The following UBE2E1 variants were observed in gnomAD, a reference collection of about 807,000 sequenced individuals.
The protein encoded by UBE2E1 is ubiquitin-conjugating enzyme E2 E1.
A neutral mutation model predicts 21.4 loss-of-function variants in UBE2E1; 6 were observed. The ratio of observed to expected loss-of-function variants is 0.28; its 90% CI spans 0.15 to 0.55. UBE2E1 has a LOEUF of 0.55. Ranked by LOEUF, UBE2E1 falls within the 20% of genes least tolerant of loss-of-function variation. The pLI is 0.93. For synonymous variants in UBE2E1, 87 were observed against 82.7 expected, an observed-to-expected ratio of 1.05 and a Z score of -0.28; for missense variants, 142 against 236.5, an observed-to-expected ratio of 0.60 and a Z score of 2.62.
In UBE2E1 at chr3:23,810,726, C is replaced by G. The variant is rs1699370216; in HGVS notation, c.153-734C>G. On this transcript the variant is annotated intron_variant, in intron 2 of 5. Coordinates refer to ENST00000306627, the MANE Select transcript of UBE2E1 (RefSeq NM_003341.5). The surrounding 1 kb of genome is among the most constrained non-coding windows in gnomAD (Gnocchi z 5.8). Reference sequence around the variant, plus strand: ...AGAGGAGAGCTGGGGCGGCGCGGAGCAGCCCCCGTGCGGGCACCCTGTTCC... The same window carrying G: ...AGAGGAGAGCTGGGGCGGCGCGGAGGAGCCCCCGTGCGGGCACCCTGTTCC... 2.3e-6 allele frequency: 1 copy of G among 436,174 alleles called. No individual in the cohort carries two copies. Among genetic ancestry groups the G allele is most frequent in the South Asian group, 3.9e-5 (1 of 25,612 alleles). The allele number at this position is 436,174 out of a possible 1,614,324, so 27.0% of individuals were successfully genotyped here.
intron 3 of UBE2E1, among the ~76,000 whole-genome samples, chr3:23,865,516 G>C (rs1320120647): frequency 3.3e-5 from 5 of 152,080 alleles, no homozygotes; most frequent in Non-Finnish European, 7.4e-5. Context: ...CACCATGCCC[G>C]GCTGTGTTTT....
At chr3:23,817,119 C>A (rs189412004) in intron 3 of UBE2E1, among the ~76,000 whole-genome samples, 144 of 152,228 alleles carry the variant, frequency 9.5e-4, no homozygotes, top group African/African-American at 3.3e-3. Flanking sequence ...TGTTAAATTC[C>A]TGTCACAAAC....
rs139508940 is a variant in UBE2E1 at position 23,861,555 on chromosome 3, C to T, written c.204-26012C>T. Reference sequence around the variant, plus strand: ...TGCATTTCCCAAGACCACTTTGACCCGCCACGCCCCCATTCTGTGCCTATA... The same window carrying T: ...TGCATTTCCCAAGACCACTTTGACCTGCCACGCCCCCATTCTGTGCCTATA... On this transcript the variant is annotated intron_variant, in intron 3 of 5. Transcript: ENST00000306627. Among the ~76,000 whole-genome samples, 833 of 152,288 alleles carry T rather than the reference C, an allele frequency of 5.5e-3. 6 individuals carry two copies. The highest frequency in any genetic ancestry group is 0.01 in the Middle Eastern group (3 of 294).
chr3:23,817,591 T>G (rs1451988479), intron 3 of UBE2E1, among the ~76,000 whole-genome samples: 1 of 151,632 alleles, frequency 6.6e-6, no homozygotes, highest in Non-Finnish European at 1.5e-5. Context: ...TTCAGAGGAG[T>G]GAGAGATTAC....
Position 23,811,443 on chromosome 3 carries a change from C to G in UBE2E1, c.153-17C>G. ...TAATGCTTCTTGTGTTTGTCTTTCC[C>G]ATTTCTCCCACTCCAGAATTCAGAA... On this transcript the variant is annotated splice_polypyrimidine_tract_variant and intron_variant, in intron 2 of 5. Coordinates refer to ENST00000306627, the MANE Select transcript of UBE2E1 (RefSeq NM_003341.5). 1.2e-6 allele frequency: 2 copies of G among 1,614,094 alleles called. No homozygotes were observed. Among genetic ancestry groups the G allele is most frequent in the South Asian group, 1.1e-5 (1 of 91,080 alleles).
Position 23,890,507 on chromosome 3 carries a change from A to G in UBE2E1, c.485-2A>G. ...AAAGTAATCTACATTCTTTTCTTCC[A>G]GCCGACCCCTTGGTGGGAAGTATTG... On this transcript the variant is annotated splice_acceptor_variant, in intron 5 of 5. Coordinates refer to ENST00000306627, the MANE Select transcript of UBE2E1 (RefSeq NM_003341.5). LOFTEE classifies it high-confidence loss of function. 6.2e-7 allele frequency: 1 copy of G among 1,610,462 alleles called. No homozygotes were observed. Among genetic ancestry groups the G allele is most frequent in the Non-Finnish European group, 8.5e-7 (1 of 1,178,724 alleles).
At chr3:23,811,675 T>A (rs1472382120) in intron 3 of UBE2E1, among the ~76,000 whole-genome samples, 165 bp downstream of exon 3, 1 of 152,258 alleles carries the variant, frequency 6.6e-6, no homozygotes, top group Non-Finnish European at 1.5e-5. Context: ...AATGTTTTGA[T>A]GAGCCTCTGA....
intron 3 of UBE2E1, among the ~76,000 whole-genome samples, chr3:23,845,589 C>CTCTCTCTCTCTCTCTCTCTGTG (rs1553637998): frequency 8.2e-6 from 1 of 121,288 alleles, no homozygotes; most frequent in South Asian, 3.2e-4. Flanking sequence ...CTCTCTCTCT[C>CTCTCTCTCTCTCTCTCTCTGTG]TGTGTGTGTG....
At chr3:23,835,316 A>T (rs552530105) in intron 3 of UBE2E1, among the ~76,000 whole-genome samples, 1 of 152,288 alleles carries the variant, frequency 6.6e-6, no homozygotes, top group East Asian at 1.9e-4. Context: ...AAAAATTTAA[A>T]AATTAGCTAG....
In UBE2E1 at chr3:23,863,396, TC is replaced by T. The variant is rs1700594271; in HGVS notation, c.204-24168del. ...AGTTATTCTCTCACCTTTTCCCCTC[TC>T]CCTTTCTCCCTCTGTGCCCTTCCCT... On this transcript the variant is annotated intron_variant, in intron 3 of 5. Coordinates refer to ENST00000306627, the MANE Select transcript of UBE2E1 (RefSeq NM_003341.5). This position sits in a 1 kb window ranked among gnomAD's most constrained non-coding sequence, Gnocchi z 4.3. 6.6e-6 allele frequency among the ~76,000 whole-genome samples: 1 copy of T among 152,122 alleles called. No homozygotes were observed. Among genetic ancestry groups the T allele is most frequent in the African/African-American group, 2.4e-5 (1 of 41,418 alleles).
At chr3:23,880,766 G>A (rs757686914) in intron 3 of UBE2E1, among the ~76,000 whole-genome samples, 3 of 152,184 alleles carry the variant, frequency 2.0e-5, no homozygotes, top group Non-Finnish European at 4.4e-5. Context: ...AAACATGAAT[G>A]TTACTTTGTG....
rs1553637747 is a variant in UBE2E1, at chr3:23,842,250, G to GTGGTGTTGT, written c.203+30742_203+30743insGTGTTGTTG. Among the ~76,000 whole-genome samples, 42 of 86,368 alleles carry GTGGTGTTGT rather than the reference G, an allele frequency of 4.9e-4. No homozygotes were observed. The highest frequency in any genetic ancestry group is 1.6e-3 in the African/African-American group (34 of 21,706). 56.7% of individuals were successfully genotyped at this position (86,368 alleles called of 152,430 possible). A position where few individuals can be genotyped will look rare whatever the true frequency, so the allele number is the denominator to read the frequency against. On this transcript the variant is annotated intron_variant, in intron 3 of 5. Coordinates refer to ENST00000306627, the MANE Select transcript of UBE2E1 (RefSeq NM_003341.5). This position sits in a 1 kb window ranked among gnomAD's most constrained non-coding sequence, Gnocchi z 4.6. ...GTGTGTGTGTGTGTGTGTGTGTGTG[G>GTGGTGTTGT]TGTTGTTGTTGTTGGCGACAGGGTC...
At chr3:23,854,538 G>T (rs1700395352) in intron 3 of UBE2E1, among the ~76,000 whole-genome samples, 1 of 152,150 alleles carries the variant, frequency 6.6e-6, no homozygotes, top group African/African-American at 2.4e-5. Flanking sequence ...TTTTGATGAT[G>T]TGGGCCAGTT....
At chr3:23,884,207 AAATT>A (rs1298989901) in intron 3 of UBE2E1, among the ~76,000 whole-genome samples, 1 of 143,258 alleles carries the variant, frequency 7.0e-6, no homozygotes, top group Non-Finnish European at 1.5e-5. Context: ...ACTTTCAAAA[AAATT>A]AACACCTAAA....
At chr3:23,875,973 G>C (rs1217126252) in intron 3 of UBE2E1, among the ~76,000 whole-genome samples, 2 of 152,160 alleles carry the variant, frequency 1.3e-5, no homozygotes, top group Non-Finnish European at 2.9e-5. Context: ...GGGTTTCACT[G>C]TGTTGGCCAG....
intron 3 of UBE2E1, among the ~76,000 whole-genome samples, chr3:23,829,222 G>A (rs1699816740): frequency 6.7e-6 from 1 of 150,006 alleles, no homozygotes; most frequent in Admixed American, 6.6e-5. Context: ...ATGCAATGGT[G>A]TGATCATAGC....
At chr3:23,845,609 G>GTGTGTGTGTGTGTGTGTGTGTGTA (rs1700185796) in intron 3 of UBE2E1, among the ~76,000 whole-genome samples, 1 of 150,390 alleles carries the variant, frequency 6.6e-6, no homozygotes, top group African/African-American at 2.4e-5. Flanking sequence ...GTGTGTGTGT[G>GTGTGTGTGTGTGTGTGTGTGTGTA]TGTGTGTATG....
chr3:23,819,158 C>G (rs895541141), intron 3 of UBE2E1, among the ~76,000 whole-genome samples: 2 of 152,104 alleles, frequency 1.3e-5, no homozygotes, highest in African/African-American at 4.8e-5. Context: ...GTGGCACGCG[C>G]CTGTAGTCCC....
intron 3 of UBE2E1, among the ~76,000 whole-genome samples, chr3:23,824,604 A>T (rs990334685): frequency 2.0e-5 from 3 of 152,204 alleles, no homozygotes; most frequent in African/African-American, 7.2e-5. Context: ...CAAGCCCCTC[A>T]AGGAGCATTA....
Sources: gnomAD v4.1 joint callset for allele counts (sites outside exome capture counted in the v4.1 genomes callset) on GRCh38, gnomAD v4.1.1 for gene constraint, Gnocchi (gnomAD v3.1) non-coding constraint, MANE v1.5 for transcripts, NCBI Gene and HGNC (gene_info 2026-07-23, HGNC 2026-07-21) for gene names.